Variants in SASH1 observed in about 807,000 individuals in gnomAD.
The protein encoded by SASH1 is SAM and SH3 domain containing 1, also known as SAM and SH3 domain-containing protein 1.
In SASH1, 44 loss-of-function variants were observed where a neutral mutation model predicts 125.2. The observed-to-expected ratio is 0.35, with a 90% CI of 0.28 to 0.45. The LOEUF (loss-of-function observed/expected upper bound fraction) is 0.45, where lower values mean the gene tolerates loss of function less well. Among genes scored for constraint, SASH1 ranks in the 20% least tolerant of loss-of-function variants. The probability of loss-of-function intolerance (pLI) is 1.00; values close to 1 mark genes in which losing one functional copy is unlikely to be tolerated. For synonymous variants in SASH1, 639 were observed against 649.1 expected (o/e 0.98, Z 0.24); for missense variants, 1,426 against 1,614.5 (o/e 0.88, Z 2.00).
At chr6:148,218,291 A>G in the SASH1 span, among the ~76,000 whole-genome samples, 2 of 152,212 alleles carry the variant, frequency 1.3e-5, no homozygotes, top group Non-Finnish European at 2.9e-5. Flanking sequence ...AAAAAGAACC[A>G]GCGACAAACA....
chr6:148,206,969 A>C, the SASH1 span, among the ~76,000 whole-genome samples: 2 of 152,072 alleles, frequency 1.3e-5, no homozygotes, highest in African/African-American at 4.8e-5. Context: ...CCTAGCACAA[A>C]TGTGCCCCCT....
At chr6:148,428,629 CA>C (rs369165377) in intron 2 of SASH1, among the ~76,000 whole-genome samples, 50 of 81,760 alleles carry the variant, frequency 6.1e-4, no homozygotes, top group Admixed American at 1.3e-3. Context: ...AACTTTATCT[CA>C]AAAAAAAAAA....
At chr6:148,272,422 C>A (rs186575150) in intron 1 of SASH1, 26 of 468,790 alleles carry the variant, frequency 5.5e-5, no homozygotes, top group African/African-American at 1.4e-4. Context: ...GTTTTTGGTG[C>A]CTTCTGACAT....
At chr6:148,244,926 G>GTGTA in the SASH1 span, among the ~76,000 whole-genome samples, 3 of 137,680 alleles carry the variant, frequency 2.2e-5, no homozygotes, top group African/African-American at 5.6e-5. Context: ...GTGTGTGTGT[G>GTGTA]TGTGTATGTG....
At chr6:148,326,352 ATATATG>A (rs1298054985) in intron 1 of SASH1, among the ~76,000 whole-genome samples, 12 of 82,948 alleles carry the variant, frequency 1.4e-4, no homozygotes, top group African/African-American at 4.7e-4. Flanking sequence ...ATATATATAT[ATATATG>A]CATATATATA....
rs573967718 is a variant in SASH1, at chr6:148,286,021, T to C, written n.74+13644T>C. 2.0e-5 allele frequency among the ~76,000 whole-genome samples: 3 copies of C among 152,208 alleles called. No individual in the cohort carries two copies. In the East Asian group the frequency reaches 5.8e-4, roughly 29 times the overall value. On this transcript the variant is annotated intron_variant and non_coding_transcript_variant, in intron 1 of 3. Coordinates refer to the SASH1 transcript ENST00000367469. ...GTTAACTTTCTTTTTTAGAAGCATC[T>C]CTAAAATTATGATTCTCCTCTAAAG...
intron 1 of SASH1, among the ~76,000 whole-genome samples, chr6:148,312,466 G>A (rs538854627): frequency 6.6e-6 from 1 of 152,162 alleles, no homozygotes; most frequent in African/African-American, 2.4e-5. Flanking sequence ...TATAAATCAT[G>A]TCACTGTACT....
chr6:148,329,617 C>A (rs748691054), intron 1 of SASH1, among the ~76,000 whole-genome samples: 6 of 151,984 alleles, frequency 3.9e-5, no homozygotes, highest in African/African-American at 1.4e-4. Context: ...GATAACTAAG[C>A]CTTTGTGTGT....
intron 1 of SASH1, among the ~76,000 whole-genome samples, chr6:148,284,749 T>C (rs776399221): frequency 3.3e-5 from 5 of 152,172 alleles, no homozygotes; most frequent in Non-Finnish European, 7.3e-5. Flanking sequence ...TCATTCTTCT[T>C]TGTTGGACTT....
intron 1 of SASH1, among the ~76,000 whole-genome samples, chr6:148,296,483 T>C (rs1779768885): frequency 6.6e-6 from 1 of 152,224 alleles, no homozygotes; most frequent in Non-Finnish European, 1.5e-5. Flanking sequence ...AGTAGTAGAC[T>C]TACTTAGCAG....
intron 1 of SASH1, among the ~76,000 whole-genome samples, chr6:148,281,324 C>T (rs1201546490): frequency 2.0e-5 from 3 of 152,094 alleles, no homozygotes; most frequent in African/African-American, 4.8e-5. Flanking sequence ...TGAGGGCAAA[C>T]GATTTCCGAC....
At chr6:148,476,074 C>T (rs1346892333) in intron 7 of SASH1, among the ~76,000 whole-genome samples, 1 of 151,908 alleles carries the variant, frequency 6.6e-6, no homozygotes, top group Non-Finnish European at 1.5e-5. Context: ...ACTATTAGAA[C>T]TGATAAGTAA....
At position 148,327,505 on chromosome 6, in the gene SASH1, G is replaced by A. The variant is rs184018936; in HGVS notation, n.74+55128G>A. The stretch of plus-strand genomic sequence containing the variant: ...TCACCATCTTAGCCAGGCTGGTCTC[G>A]AACTCCTGACCTTGTGATCCACCCG... On this transcript the variant is annotated intron_variant and non_coding_transcript_variant, in intron 1 of 3. Coordinates refer to the SASH1 transcript ENST00000367469. Among the ~76,000 whole-genome samples, 464 of 150,952 alleles carry A rather than the reference G, an allele frequency of 3.1e-3. 6 individuals are homozygous for A. Among genetic ancestry groups the A allele is most frequent in the African/African-American group, 0.01 (414 of 41,224 alleles).
intron 1 of SASH1, among the ~76,000 whole-genome samples, chr6:148,380,202 T>A (rs1272120904): frequency 6.6e-6 from 1 of 151,968 alleles, no homozygotes; most frequent in Non-Finnish European, 1.5e-5. Flanking sequence ...TCAGCCAGAG[T>A]CAAGCTCAGT....
rs541068937 is a variant in SASH1 at position 148,311,738 on chromosome 6, A to C, written n.74+39361A>C. On this transcript the variant is annotated intron_variant and non_coding_transcript_variant, in intron 1 of 3. Transcript: ENST00000367469. Reference sequence around the variant, plus strand: ...AGGATCCCCTGAACCTGGGACAGGGAGGTTGCAGTGAGCCAAAATGGCACC... The same window carrying C: ...AGGATCCCCTGAACCTGGGACAGGGCGGTTGCAGTGAGCCAAAATGGCACC... Among the ~76,000 whole-genome samples the C allele has an allele frequency of 3.9e-5, 6 of 152,274 alleles. No individual in the cohort carries two copies. The South Asian group carries it at 1.2e-3, about 32-fold the overall frequency.
At chr6:148,198,706 G>A in the SASH1 span, among the ~76,000 whole-genome samples, 6 of 152,210 alleles carry the variant, frequency 3.9e-5, no homozygotes, top group African/African-American at 4.8e-5. Flanking sequence ...GAACTCTAAA[G>A]CATCATCAAC....
At chr6:148,537,512 A>G (rs1370741892) in intron 16 of SASH1, among the ~76,000 whole-genome samples, 1 of 152,262 alleles carries the variant, frequency 6.6e-6, no homozygotes, top group Non-Finnish European at 1.5e-5. Context: ...CTAATTAGGA[A>G]TTATTTCAAA....
chr6:148,492,176 C>T (rs1779135677), intron 8 of SASH1, among the ~76,000 whole-genome samples: 1 of 152,164 alleles, frequency 6.6e-6, no homozygotes, highest in Admixed American at 6.5e-5. Flanking sequence ...ACCTCACACA[C>T]TTAGACTTCA....
upstream of SASH1, among the ~76,000 whole-genome samples, chr6:148,338,633 G>A (rs1256533429): frequency 2.0e-5 from 3 of 152,018 alleles, no homozygotes; most frequent in Non-Finnish European, 4.4e-5. Context: ...CTTGGTAAAT[G>A]ATATCCTATA....
Sources: allele counts gnomAD v4.1 joint callset (sites outside exome capture counted in the v4.1 genomes callset), GRCh38; gene constraint gnomAD v4.1.1; transcripts MANE v1.5; gene names NCBI Gene and HGNC (gene_info 2026-07-23, HGNC 2026-07-21).